CFAP299: variants seen among roughly 807,000 people sequenced by gnomAD.
The protein encoded by CFAP299 is cilia and flagella associated protein 299.
Under a neutral mutation model 27.0 loss-of-function variants are expected in CFAP299, and 21 were observed. The observed-to-expected ratio is 0.78, with a 90% CI of 0.55 to 1.12. The LOEUF (loss-of-function observed/expected upper bound fraction) is 1.12, where lower values mean the gene tolerates loss of function less well. Ranked by LOEUF, CFAP299 falls within the 50% of genes most tolerant of loss-of-function variation. The pLI is 0.00. For missense variants in CFAP299, 310 were observed against 276.6 expected (o/e 1.12, Z -0.86); for synonymous variants, 104 against 98.1 (o/e 1.06, Z -0.36).
intron 4 of CFAP299, among the ~76,000 whole-genome samples, chr4:80,932,008 G>A (rs1256990593): frequency 2.0e-5 from 3 of 152,102 alleles, no homozygotes; most frequent in Admixed American, 1.3e-4. Context: ...TGATTCCATA[G>A]GCTAGCAGGA....
chr4:80,552,455 A>G (rs1328888510), intron 2 of CFAP299, among the ~76,000 whole-genome samples: 1 of 152,156 alleles, frequency 6.6e-6, no homozygotes, highest in East Asian at 1.9e-4. Flanking sequence ...GAAATTCTCA[A>G]CTGGAATTGC....
At chr4:80,531,094 G>C (rs1733440147) in intron 2 of CFAP299, among the ~76,000 whole-genome samples, 1 of 152,174 alleles carries the variant, frequency 6.6e-6, no homozygotes, top group Admixed American at 6.5e-5. Context: ...GAAGAAGTAG[G>C]AAGATCAATT....
intron 3 of CFAP299, among the ~76,000 whole-genome samples, chr4:80,670,618 G>A (rs11099343): frequency 0.72 from 109,198 of 152,070 alleles, 42,135 homozygotes; most frequent in Non-Finnish European, 0.85. Context: ...GTGTAAAGGC[G>A]GTCCTATTTC....
At chr4:80,573,534 G>A (rs1321606403) in intron 2 of CFAP299, among the ~76,000 whole-genome samples, 2 of 151,916 alleles carry the variant, frequency 1.3e-5, no homozygotes, top group Non-Finnish European at 2.9e-5. Context: ...AGAAATCTTT[G>A]CCCAGATCAA....
At chr4:80,753,208 G>T (rs1389780820) in intron 3 of CFAP299, among the ~76,000 whole-genome samples, 1 of 151,798 alleles carries the variant, frequency 6.6e-6, no homozygotes, top group Non-Finnish European at 1.5e-5. Flanking sequence ...ATTTATTTTT[G>T]TCTACAAAAG....
At chr4:80,857,793 C>T (rs1257330453) in intron 3 of CFAP299, among the ~76,000 whole-genome samples, 3 of 152,130 alleles carry the variant, frequency 2.0e-5, no homozygotes, top group African/African-American at 7.2e-5. Context: ...TGATGTGCTG[C>T]TGGATTTGGT....
rs549613673 is a variant in CFAP299 at position 80,465,426 on chromosome 4, C to T, written c.242+102542C>T. On this transcript the variant is annotated intron_variant, in intron 2 of 5. Coordinates refer to ENST00000358105, the MANE Select transcript of CFAP299 (RefSeq NM_152770.3). ...GAAGGGCAGGGTTTGTCACCTCAGACAAGAGGGAGAAGGTTGCAGAGGGTT... is the reference window on the plus strand; with the variant it reads ...GAAGGGCAGGGTTTGTCACCTCAGATAAGAGGGAGAAGGTTGCAGAGGGTT... Among the ~76,000 whole-genome samples, 312 of 152,226 alleles carry T rather than the reference C, an allele frequency of 2.0e-3. 1 individual carries two copies. Among genetic ancestry groups the T allele is most frequent in the African/African-American group, 7.2e-3 (298 of 41,532 alleles).
At chr4:80,844,407 C>T (rs951841020) in intron 3 of CFAP299, among the ~76,000 whole-genome samples, 7 of 152,184 alleles carry the variant, frequency 4.6e-5, no homozygotes, top group Admixed American at 1.3e-4. Context: ...ACATCCTCTC[C>T]AGCACCTGTT....
intron 3 of CFAP299, among the ~76,000 whole-genome samples, chr4:80,670,295 A>G (rs990237867): frequency 6.6e-6 from 1 of 152,116 alleles, no homozygotes; most frequent in Non-Finnish European, 1.5e-5. Context: ...AGGTTCACCC[A>G]TGTCCCTGCA....
At chr4:80,586,140 A>T (rs1478628491) in intron 3 of CFAP299, among the ~76,000 whole-genome samples, 1 of 152,098 alleles carries the variant, frequency 6.6e-6, no homozygotes, top group East Asian at 1.9e-4. Context: ...TCTAAGCCAC[A>T]ATTTCCTTCT....
intron 5 of CFAP299, among the ~76,000 whole-genome samples, chr4:80,952,310 G>T (rs556236816): frequency 4.2e-4 from 64 of 152,194 alleles, no homozygotes; most frequent in Middle Eastern, 3.4e-3. Flanking sequence ...AAAAATTGAG[G>T]TTAACTTAAA....
At chr4:80,865,983 G>A (rs930456578) in intron 3 of CFAP299, among the ~76,000 whole-genome samples, 7 of 144,176 alleles carry the variant, frequency 4.9e-5, no homozygotes, top group Non-Finnish European at 9.1e-5. Context: ...ACGAGTTAAT[G>A]GGTTCAGCAC....
At position 80,945,225 on chromosome 4, in the gene CFAP299, C is replaced by T. The variant is rs191829612; in HGVS notation, c.606+286C>T. On this transcript the variant is annotated intron_variant, in intron 5 of 5. Transcript: ENST00000358105. Reference sequence around the variant, plus strand: ...ATTGCACCAGGGAGCCAGTAGGCCACGCATGTGCTTCCCCCGATCCTGCAG... The same window carrying T: ...ATTGCACCAGGGAGCCAGTAGGCCATGCATGTGCTTCCCCCGATCCTGCAG... 4.0e-3 allele frequency among the ~76,000 whole-genome samples: 602 copies of T among 152,300 alleles called. 1 individual carries two copies. Among genetic ancestry groups the T allele is most frequent in the Middle Eastern group, 0.014 (4 of 294 alleles).
intron 4 of CFAP299, among the ~76,000 whole-genome samples, chr4:80,906,229 A>G (rs1318631571): frequency 2.6e-5 from 4 of 152,184 alleles, no homozygotes; most frequent in African/African-American, 7.2e-5. Context: ...TTCCAAAATG[A>G]TCTCCTTTGA....
chr4:80,461,566 T>C (rs1327073549), intron 2 of CFAP299, among the ~76,000 whole-genome samples: 2 of 152,128 alleles, frequency 1.3e-5, no homozygotes, highest in African/African-American at 4.8e-5. Flanking sequence ...GCGCCTGAAT[T>C]CCCAAGGGAG....
At chr4:80,639,442 A>G (rs779404864) in intron 3 of CFAP299, among the ~76,000 whole-genome samples, 1 of 152,188 alleles carries the variant, frequency 6.6e-6, no homozygotes, top group African/African-American at 2.4e-5. Context: ...CTAGCTGTTT[A>G]ATTTGTGAGG....
chr4:80,796,401 G>A (rs1439734895), intron 3 of CFAP299, among the ~76,000 whole-genome samples: 1 of 152,156 alleles, frequency 6.6e-6, no homozygotes, highest in Non-Finnish European at 1.5e-5. Flanking sequence ...TTTCATCAAT[G>A]TAATGGACCA....
chr4:80,346,229 C>G (rs141795687), intron 1 of CFAP299, among the ~76,000 whole-genome samples: 128,537 of 152,196 alleles, frequency 0.84, 54,444 homozygotes, highest in African/African-American at 0.91. Flanking sequence ...TAGGTTGCCT[C>G]TTCACTCTGA....
At chr4:80,928,372 G>A (rs1283941129) in intron 4 of CFAP299, among the ~76,000 whole-genome samples, 1 of 151,930 alleles carries the variant, frequency 6.6e-6, no homozygotes, top group South Asian at 2.1e-4. Context: ...CCATTATACT[G>A]ATTTCTTTTA....
Sources: gnomAD v4.1 joint callset for allele counts (sites outside exome capture counted in the v4.1 genomes callset) on GRCh38, gnomAD v4.1.1 for gene constraint, MANE v1.5 for transcripts, NCBI Gene and HGNC (gene_info 2026-07-23, HGNC 2026-07-21) for gene names.